Variants in EXPH5 observed in about 807,000 individuals in gnomAD.
EXPH5 encodes exophilin 5, also known as exophilin-5.
EXPH5 carries 42 observed loss-of-function variants against 41.1 expected under a neutral mutation model. The observed-to-expected ratio is 1.02, with a 90% CI of 0.80 to 1.32. The LOEUF (loss-of-function observed/expected upper bound fraction) is 1.32, where lower values mean the gene tolerates loss of function less well. Among genes scored for constraint, EXPH5 ranks in the 40% most tolerant of loss-of-function variants. The probability of loss-of-function intolerance (pLI) is 0.00; values close to 1 mark genes in which losing one functional copy is unlikely to be tolerated. For synonymous variants in EXPH5, 798 were observed against 833.5 expected, an observed-to-expected ratio of 0.96 and a Z score of 0.73; for missense variants, 2,298 against 2,314.5, an observed-to-expected ratio of 0.99 and a Z score of 0.15.
rs756327219 is a variant in EXPH5 at position 108,514,201 on chromosome 11, C to T, written c.1306G>A (p.Ala436Thr). ...RVSLNAPMEN[A>T]MSPDTFENSE... ...TTCTCAAAAGTGTCGGGACTCATTGCATTCTCCATGGGAGCATTTAAACTA... is the reference window on the plus strand; with the variant it reads ...TTCTCAAAAGTGTCGGGACTCATTGTATTCTCCATGGGAGCATTTAAACTA... Residue 436 changes from alanine to threonine, a missense_variant, in exon 6 of 6, where the codon GCA (alanine) becomes ACA (threonine). Coordinates refer to ENST00000265843, the MANE Select transcript of EXPH5 (RefSeq NM_015065.3). 1.2e-6 allele frequency: 2 copies of T among 1,614,184 alleles called. No individual in the cohort carries two copies. Among genetic ancestry groups the T allele is most frequent in the African/African-American group, 1.3e-5 (1 of 75,060 alleles).
chr11:108,513,595 T>G lies in EXPH5; in HGVS notation c.1912A>C (p.Arg638=), dbSNP rs1194355233. Residue 638 remains arginine (R), a synonymous_variant, in exon 6 of 6, where the codon AGA becomes CGA. Coordinates refer to ENST00000265843, the MANE Select transcript of EXPH5 (RefSeq NM_015065.3). Reference sequence around the variant, plus strand: ...AAGTTGGGACTCTGAGGATTCCTTCTGTCATCAGAAATCTGGGAAAAGGAA... The same window carrying G: ...AAGTTGGGACTCTGAGGATTCCTTCGGTCATCAGAAATCTGGGAAAAGGAA... The part of the protein sequence containing the change: ...KTSFSQISDD[R]RNPQSPNLQN... 6.2e-7 allele frequency: 1 copy of G among 1,613,578 alleles called. No individual in the cohort carries two copies. Among genetic ancestry groups the G allele is most frequent in the African/African-American group, 1.3e-5 (1 of 74,892 alleles).
intron 1 of EXPH5, among the ~76,000 whole-genome samples, chr11:108,587,703 A>ACATTTACT (rs1304549284): frequency 1.1e-4 from 16 of 152,264 alleles, no homozygotes; most frequent in South Asian, 2.1e-4. Context: ...AAAGTAAAAA[A>ACATTTACT]TAGTCAAACA....
chr11:108,515,077 T>C (rs565118959), intron 5 of EXPH5, among the ~76,000 whole-genome samples: 1 of 152,316 alleles, frequency 6.6e-6, no homozygotes, highest in East Asian at 1.9e-4. Context: ...TCTTTCCTAC[T>C]TTTTCAAATC....
rs12146448 is a variant in EXPH5, at chr11:108,513,934, C to A, written c.1573G>T (p.Val525Phe). ...NSVSAIHGHN[V>F]SSEHWESFSS... is the part of the protein sequence containing the mutation. Reference sequence around the variant, plus strand: ...AATGATTCCCAGTGTTCAGAAGAAACATTATGGCCATGAATGGCTGATACA... The same window carrying A: ...AATGATTCCCAGTGTTCAGAAGAAAAATTATGGCCATGAATGGCTGATACA... The change falls in exon 6 of 6, where the codon GTT becomes TTT. Residue 525 changes from valine (V) to phenylalanine (F), a missense_variant. Physicochemically the swap from Val to Phe is conservative, Grantham distance 50 (BLOSUM62 -1). Transcript: ENST00000265843. 54,563 of 1,607,610 alleles carry A rather than the reference C, an allele frequency of 0.034. 1,069 individuals carry two copies. The highest frequency in any genetic ancestry group is 0.039 in the Non-Finnish European group (45,587 of 1,177,456).
At chr11:108,603,129 C>T in the EXPH5 span, among the ~76,000 whole-genome samples, 1 of 152,180 alleles carries the variant, frequency 6.6e-6, no homozygotes, top group Non-Finnish European at 1.5e-5. Flanking sequence ...TGTGAGTTTC[C>T]TGAGGCCTCC....
intron 4 of EXPH5, among the ~76,000 whole-genome samples, chr11:108,521,863 A>G (rs1443685964): frequency 6.6e-6 from 1 of 152,182 alleles, no homozygotes; most frequent in East Asian, 1.9e-4. Context: ...TCTTTTCTCT[A>G]TGTATGTAGA....
chr11:108,515,674 T>A (rs1386654739), intron 5 of EXPH5, among the ~76,000 whole-genome samples: 2 of 152,160 alleles, frequency 1.3e-5, no homozygotes, highest in Non-Finnish European at 2.9e-5. Flanking sequence ...AAGAAGAGAT[T>A]AAGCAAATTC....
chr11:108,526,624 T>G (rs2093801080), intron 4 of EXPH5, among the ~76,000 whole-genome samples: 1 of 152,164 alleles, frequency 6.6e-6, no homozygotes, highest in Non-Finnish European at 1.5e-5. Flanking sequence ...GTCCACTGCT[T>G]AGTTAAAGCA....
At chr11:108,548,109 T>TAAAA (rs66485994) in intron 1 of EXPH5, among the ~76,000 whole-genome samples, 6 of 108,202 alleles carry the variant, frequency 5.5e-5, no homozygotes, top group African/African-American at 8.0e-5. Context: ...ACTTCATCTT[T>TAAAA]AAAAAAAAAA....
At chr11:108,516,634 T>G (rs1420609322) in intron 5 of EXPH5, among the ~76,000 whole-genome samples, 2 of 152,210 alleles carry the variant, frequency 1.3e-5, no homozygotes, top group African/African-American at 4.8e-5. Flanking sequence ...CCAATTAAGT[T>G]AGGGCAGATG....
intron 2 of EXPH5, among the ~76,000 whole-genome samples, chr11:108,541,337 C>T (rs1231739499): frequency 1.3e-5 from 2 of 152,094 alleles, no homozygotes; most frequent in African/African-American, 2.4e-5. Context: ...TGGACAGACT[C>T]GCATGAATAG....
At position 108,510,190 on chromosome 11, in the gene EXPH5, A is replaced by G; in HGVS notation, c.5317T>C (p.Phe1773Leu). ...KSRVSSPLAS[F>L]LQQQRSASSL... ...GAAGCACTCCTTTGTTGCTGCAGAA[A>G]ACTGGCCAGTGGACTGCTTACTCTA... The change falls in exon 6 of 6, where the codon TTT (phenylalanine) becomes CTT (leucine). Residue 1773 changes from phenylalanine to leucine, a missense_variant. Physicochemically the swap from Phe to Leu is conservative, Grantham distance 22. Transcript: ENST00000265843. 6.2e-7 allele frequency: 1 copy of G among 1,614,074 alleles called. No individual in the cohort carries two copies. Among genetic ancestry groups the G allele is most frequent in the Non-Finnish European group, 8.5e-7 (1 of 1,180,012 alleles).
chr11:108,565,080 A>G (rs2094029070), intron 1 of EXPH5, among the ~76,000 whole-genome samples: 1 of 151,330 alleles, frequency 6.6e-6, no homozygotes, highest in Non-Finnish European at 1.5e-5. Context: ...TAATTTTTGT[A>G]TTTTTAGTAG....
upstream of EXPH5, among the ~76,000 whole-genome samples, chr11:108,597,556 T>C (rs1387512168): frequency 6.6e-6 from 1 of 152,346 alleles, no homozygotes; most frequent in East Asian, 1.9e-4. Flanking sequence ...TTGAGCTAAA[T>C]TTAAAAATAC....
At chr11:108,543,321 A>G (rs918317550) in intron 1 of EXPH5, among the ~76,000 whole-genome samples, 2 of 152,148 alleles carry the variant, frequency 1.3e-5, no homozygotes, top group Non-Finnish European at 2.9e-5. Flanking sequence ...AAAGTAGATC[A>G]TTTTGCTCTA....
At chr11:108,596,644 T>C (rs545327596), upstream of EXPH5, among the ~76,000 whole-genome samples, 3 of 152,140 alleles carry the variant, frequency 2.0e-5, no homozygotes, top group Non-Finnish European at 2.9e-5. Flanking sequence ...TGCTTAAAAA[T>C]GGTTGCCAAA....
chr11:108,584,306 T>C (rs142305564), intron 1 of EXPH5, among the ~76,000 whole-genome samples: 441 of 152,026 alleles, frequency 2.9e-3, no homozygotes, highest in Non-Finnish European at 3.2e-3. Context: ...CGAAAACTTG[T>C]CTCTACTAAA....
chr11:108,583,276 G>A (rs1238632992), intron 1 of EXPH5, among the ~76,000 whole-genome samples: 2 of 151,896 alleles, frequency 1.3e-5, no homozygotes, highest in East Asian at 3.9e-4. Context: ...CAAGTATTCG[G>A]GAGGCTGAGG....
At chr11:108,606,284 G>C in the EXPH5 span, among the ~76,000 whole-genome samples, 1 of 152,160 alleles carries the variant, frequency 6.6e-6, no homozygotes, top group Non-Finnish European at 1.5e-5. Flanking sequence ...ACCAGTCCCT[G>C]TCAGGCATGC....
Sources: allele counts gnomAD v4.1 joint callset (sites outside exome capture counted in the v4.1 genomes callset), GRCh38; gene constraint gnomAD v4.1.1; transcripts MANE v1.5; gene names NCBI Gene and HGNC (gene_info 2026-07-23, HGNC 2026-07-21).